FBXO4: variants seen among roughly 807,000 people sequenced by gnomAD.
The protein encoded by FBXO4 is F-box only protein 4.
FBXO4 carries 36 observed loss-of-function variants against 43.7 expected under a neutral mutation model. That is an observed-to-expected ratio of 0.82 (90% CI 0.63 to 1.09). The LOEUF (loss-of-function observed/expected upper bound fraction) is 1.09. Among genes scored for constraint, FBXO4 ranks in the 50% least tolerant of loss-of-function variants. The pLI is 0.00. For missense variants in FBXO4, 435 were observed against 474.1 expected, an observed-to-expected ratio of 0.92 and a Z score of 0.77; for synonymous variants, 180 against 165.6, an observed-to-expected ratio of 1.09 and a Z score of -0.67.
the FBXO4 span, among the ~76,000 whole-genome samples, chr5:41,952,931 CTCTAT>C: frequency 1.3e-5 from 2 of 151,796 alleles, no homozygotes; most frequent in African/African-American, 2.4e-5. Context: ...ATTCTTTCAA[CTCTAT>C]TCTATCAGTT....
At chr5:42,029,171 C>T in the FBXO4 span, among the ~76,000 whole-genome samples, 1 of 151,956 alleles carries the variant, frequency 6.6e-6, no homozygotes, top group South Asian at 2.1e-4. Flanking sequence ...CTCAGAAAGT[C>T]TTTATTTCTC....
chr5:41,994,069 T>G, the FBXO4 span, among the ~76,000 whole-genome samples: 1 of 152,108 alleles, frequency 6.6e-6, no homozygotes, highest in Non-Finnish European at 1.5e-5. Context: ...CCTAGACAAC[T>G]TGAACCCATA....
chr5:42,019,749 G>T, the FBXO4 span, among the ~76,000 whole-genome samples: 3 of 150,452 alleles, frequency 2.0e-5, no homozygotes, highest in Non-Finnish European at 3.0e-5. Flanking sequence ...TTACATATTT[G>T]GATTACATTT....
At chr5:41,931,525 A>G (rs113546011) in intron 3 of FBXO4, among the ~76,000 whole-genome samples, 1 of 152,246 alleles carries the variant, frequency 6.6e-6, no homozygotes, top group Admixed American at 6.5e-5. Flanking sequence ...GATACCTACT[A>G]TAAGCAAATC....
At chr5:41,977,669 C>T in the FBXO4 span, among the ~76,000 whole-genome samples, 1 of 152,172 alleles carries the variant, frequency 6.6e-6, no homozygotes, top group African/African-American at 2.4e-5. Flanking sequence ...AAACTCCTGA[C>T]CTCAGGTGAT....
chr5:42,005,300 T>G, the FBXO4 span, among the ~76,000 whole-genome samples: 1 of 152,146 alleles, frequency 6.6e-6, no homozygotes, highest in Non-Finnish European at 1.5e-5. Flanking sequence ...TTTATTTGCT[T>G]CATAAGTATA....
chr5:41,952,431 G>A, the FBXO4 span, among the ~76,000 whole-genome samples: 4 of 152,134 alleles, frequency 2.6e-5, no homozygotes, highest in African/African-American at 7.2e-5. Context: ...TTGGCATGAA[G>A]TTGTTTGTAA....
At chr5:41,967,662 G>C in the FBXO4 span, 1 of 731,474 alleles carries the variant, frequency 1.4e-6, no homozygotes, top group African/African-American at 1.7e-5. Flanking sequence ...ACACTGCATG[G>C]AGTAGCTGGT....
the FBXO4 span, among the ~76,000 whole-genome samples, chr5:42,014,579 C>T: frequency 6.6e-6 from 1 of 152,044 alleles, no homozygotes; most frequent in Admixed American, 6.6e-5. Flanking sequence ...TGTTACTTAC[C>T]CTCTTATTAT....
the FBXO4 span, among the ~76,000 whole-genome samples, chr5:42,009,693 C>G: frequency 1.7e-4 from 26 of 152,258 alleles, no homozygotes; most frequent in African/African-American, 6.3e-4. Flanking sequence ...AGTCACTGGA[C>G]TGTTACATAA....
chr5:41,965,860 T>C, the FBXO4 span, among the ~76,000 whole-genome samples: 1 of 152,204 alleles, frequency 6.6e-6, no homozygotes, highest in Non-Finnish European at 1.5e-5. Context: ...GTATGTTTAT[T>C]GTGGCACTAT....
At chr5:42,013,360 T>C in the FBXO4 span, among the ~76,000 whole-genome samples, 17 of 152,182 alleles carry the variant, frequency 1.1e-4, no homozygotes, top group Non-Finnish European at 7.3e-5. Context: ...TCCACTCTAA[T>C]TGGCAAAGTT....
chr5:42,034,384 A>G, the FBXO4 span, among the ~76,000 whole-genome samples: 2 of 151,900 alleles, frequency 1.3e-5, no homozygotes, highest in Non-Finnish European at 2.9e-5. Flanking sequence ...CCCATTTCTC[A>G]ATTTTGGCTT....
the FBXO4 span, among the ~76,000 whole-genome samples, chr5:42,000,843 C>T: frequency 6.6e-6 from 1 of 152,134 alleles, no homozygotes; most frequent in African/African-American, 2.4e-5. Flanking sequence ...ATCTTTCCCC[C>T]ATTGTGTGTT....
At chr5:42,016,757 G>A in the FBXO4 span, among the ~76,000 whole-genome samples, 2 of 151,964 alleles carry the variant, frequency 1.3e-5, no homozygotes, top group South Asian at 4.1e-4. Flanking sequence ...ATAGTCTGTT[G>A]TAATTACTGT....
the FBXO4 span, among the ~76,000 whole-genome samples, chr5:41,994,907 C>A: frequency 1.3e-5 from 2 of 152,086 alleles, no homozygotes; most frequent in Admixed American, 1.3e-4. Context: ...TTGTCACTTC[C>A]ACTTCCAACC....
chr5:42,030,187 T>C, the FBXO4 span, among the ~76,000 whole-genome samples: 23 of 151,892 alleles, frequency 1.5e-4, no homozygotes, highest in Admixed American at 3.9e-4. Context: ...GGAGGCATCA[T>C]GCTACCTGAC....
chr5:41,950,478 G>A, the FBXO4 span, among the ~76,000 whole-genome samples: 1 of 152,242 alleles, frequency 6.6e-6, no homozygotes, highest in African/African-American at 2.4e-5. Flanking sequence ...ATCATCACTG[G>A]TCATTAGAGA....
chr5:41,984,432 G>C, the FBXO4 span, among the ~76,000 whole-genome samples: 1 of 152,150 alleles, frequency 6.6e-6, no homozygotes, highest in East Asian at 1.9e-4. Context: ...AGCTCAGCTA[G>C]GGTTGTAGTT....
Sources: gnomAD v4.1 joint callset for allele counts (sites outside exome capture counted in the v4.1 genomes callset) on GRCh38, gnomAD v4.1.1 for gene constraint, MANE v1.5 for transcripts, NCBI Gene and HGNC (gene_info 2026-07-23, HGNC 2026-07-21) for gene names.